Variants in ZNF395 observed in about 807,000 individuals in gnomAD.
ZNF395 encodes the protein zinc finger protein 395.
Under a neutral mutation model 57.7 loss-of-function variants are expected in ZNF395, and 20 were observed. That is an observed-to-expected ratio of 0.35 (90% CI 0.24 to 0.50). The LOEUF is 0.50. ZNF395 is among the 20% of genes least tolerant of loss of function. The pLI is 0.97. For synonymous variants in ZNF395, 295 were observed against 275.9 expected, an observed-to-expected ratio of 1.07 and a Z score of -0.69; for missense variants, 606 against 671.2, an observed-to-expected ratio of 0.90 and a Z score of 1.07.
intron 2 of ZNF395, 119 bp downstream of exon 2, chr8:28,360,766 G>A: frequency 7.0e-7 from 1 of 1,419,834 alleles, no homozygotes; most frequent in Non-Finnish European, 9.4e-7. Flanking sequence ...GTGGCTGGAG[G>A]GCAAAGGTCT....
rs1321179800 is a variant in ZNF395 at position 28,346,684 on chromosome 8, G to C, written c.*2035C>G. 6.6e-6 allele frequency: 1 copy of C among 152,210 alleles called. No homozygotes were observed. The highest frequency in any genetic ancestry group is 2.4e-5 in the African/African-American group (1 of 41,424). The allele number at this position is 152,210 out of a possible 1,614,324, so 9.4% of individuals were successfully genotyped here. A position where few individuals can be genotyped will look rare whatever the true frequency, so the allele number is the denominator to read the frequency against. ...AATTCAAACAGCTTTCTAAAGACGA[G>C]ACGGCAGTGAAAACTCTGAGGGAGA... On this transcript the variant is annotated 3_prime_UTR_variant, in exon 10 of 10. Coordinates refer to ENST00000344423, the MANE Select transcript of ZNF395 (RefSeq NM_018660.3).
At chr8:28,361,827 C>T (rs1801853347) in intron 1 of ZNF395, among the ~76,000 whole-genome samples, 1 of 152,204 alleles carries the variant, frequency 6.6e-6, no homozygotes, top group Non-Finnish European at 1.5e-5. Flanking sequence ...CGTGGTGGCT[C>T]ATGCCTGTAA....
intron 1 of ZNF395, among the ~76,000 whole-genome samples, chr8:28,380,156 T>TA (rs527469969): frequency 1.8e-3 from 275 of 149,254 alleles, no homozygotes; most frequent in African/African-American, 2.9e-3. Context: ...TACTAGAGTT[T>TA]AAAAAAAAAA....
chr8:28,373,461 T>TA (rs1236580372), intron 1 of ZNF395, among the ~76,000 whole-genome samples: 1 of 152,108 alleles, frequency 6.6e-6, no homozygotes, highest in African/African-American at 2.4e-5. Context: ...TAGATGCCTT[T>TA]AAAGAACATC....
chr8:28,381,263 G>C (rs573000889), intron 1 of ZNF395, among the ~76,000 whole-genome samples: 164 of 151,596 alleles, frequency 1.1e-3, no homozygotes, highest in African/African-American at 3.9e-3. Flanking sequence ...GGATGGTCTC[G>C]ATCTCCTGAC....
intron 1 of ZNF395, among the ~76,000 whole-genome samples, chr8:28,378,391 C>T (rs1376362751): frequency 6.6e-6 from 1 of 152,076 alleles, no homozygotes; most frequent in African/African-American, 2.4e-5. Flanking sequence ...GGCAGGTGTA[C>T]CATCATGCTT....
At position 28,351,530 on chromosome 8, in the gene ZNF395, A is replaced by G; in HGVS notation, c.1198T>C (p.Ser400Pro). The change falls in exon 7 of 10, where the codon TCC (serine) becomes CCC (proline). Residue 400 changes from serine (S) to proline (P), a missense_variant. By Grantham distance (74) the Ser-to-Pro change is moderately conservative. This residue lies in a region of ZNF395 where 261 missense variants were observed against 240.3 expected (regional missense o/e 1.09). Coordinates refer to ENST00000344423, the MANE Select transcript of ZNF395 (RefSeq NM_018660.3). The stretch of plus-strand genomic sequence containing the variant: ...TGATCTGCCTGAATGTGCCAGAAGG[A>G]CCCAGGAGCTGACTTGCTGAGAGCC... ...SGALSKSAPG[S>P]FWHIQADHAY... 1 of 1,612,304 alleles carries G rather than the reference A, an allele frequency of 6.2e-7. No individual in the cohort carries two copies. The highest frequency in any genetic ancestry group is 8.5e-7 in the Non-Finnish European group (1 of 1,178,768).
intron 4 of ZNF395, 104 bp from the exon 5 acceptor site, chr8:28,353,512 G>T: frequency 2.2e-6 from 2 of 897,334 alleles, no homozygotes; most frequent in Non-Finnish European, 1.7e-6. Flanking sequence ...ATTCATGGCA[G>T]CAATTTCTCT....
Position 28,349,055 on chromosome 8 carries a change from G to A in ZNF395, c.1430+70C>T. ...AACCCTGGTGACTTCATCTGGGTGG[G>A]GTCGGAGTCCACGCCACTGGAGACA... is the stretch of plus-strand genomic sequence containing the variant. On this transcript the variant is annotated intron_variant, in intron 9 of 9. Transcript: ENST00000344423. 12 of 1,444,820 alleles carry A rather than the reference G, an allele frequency of 8.3e-6. No homozygotes were observed. The South Asian group carries it at 9.1e-5, about 11-fold the overall frequency. The allele number at this position is 1,444,820 out of a possible 1,614,324, so 89.5% of individuals were successfully genotyped here.
chr8:28,359,949 T>C lies in ZNF395; in HGVS notation c.241-125A>G. On this transcript the variant is annotated intron_variant, in intron 2 of 9. Transcript: ENST00000344423. The surrounding 1 kb of genome is among the most constrained non-coding windows in gnomAD (Gnocchi z 4.7). ...CAAACCATGTTCTCTGCCTCACTCATCTTTTATTCAAGCAGATGTTCCCAG... is the reference window on the plus strand; with the variant it reads ...CAAACCATGTTCTCTGCCTCACTCACCTTTTATTCAAGCAGATGTTCCCAG... 3 of 1,424,562 alleles carry C rather than the reference T, an allele frequency of 2.1e-6. No homozygotes were observed. The highest frequency in any genetic ancestry group is 2.8e-6 in the Non-Finnish European group (3 of 1,074,776). The allele number at this position is 1,424,562 out of a possible 1,614,324, so 88.2% of individuals were successfully genotyped here.
intron 1 of ZNF395, among the ~76,000 whole-genome samples, chr8:28,380,150 A>G (rs778959576): frequency 6.6e-6 from 1 of 152,156 alleles, no homozygotes; most frequent in Non-Finnish European, 1.5e-5. Context: ...AGTTTTTACT[A>G]GAGTTTAAAA....
Position 28,384,431 on chromosome 8 carries a change from A to G in ZNF395, c.-59+1962T>C, listed in dbSNP as rs74553751. 3.3e-3 allele frequency among the ~76,000 whole-genome samples: 496 copies of G among 151,666 alleles called. 5 individuals are homozygous for G. The highest frequency in any genetic ancestry group is 0.011 in the African/African-American group (455 of 41,324). ...TCCTGGTGACTGATCCCTGCCCACA[A>G]CTCCCTTCTCTGACTCCAACAGAAC... On this transcript the variant is annotated intron_variant, in intron 1 of 9. Transcript: ENST00000344423.
chr8:28,349,106 A>T lies in ZNF395; in HGVS notation c.1430+19T>A, dbSNP rs761474660. Reference sequence around the variant, plus strand: ...GGGCACAGAAACCAGAAGGCAGGGGACGACAGCGGACATCTCACCTGGCAC... The same window carrying T: ...GGGCACAGAAACCAGAAGGCAGGGGTCGACAGCGGACATCTCACCTGGCAC... On this transcript the variant is annotated intron_variant, in intron 9 of 9. Transcript: ENST00000344423. The T allele has an allele frequency of 6.4e-7, 1 of 1,560,244 alleles. No homozygotes were observed. The highest frequency in any genetic ancestry group is 8.7e-7 in the Non-Finnish European group (1 of 1,153,618).
intron 7 of ZNF395, 110 bp downstream of exon 7, chr8:28,351,385 A>C: frequency 1.2e-5 from 14 of 1,202,972 alleles, no homozygotes; most frequent in South Asian, 1.7e-5. Context: ...GAGATTAGCA[A>C]TTTGGCCAAA....
In ZNF395 at chr8:28,356,017, T is replaced by C. The variant is rs1185749610; in HGVS notation, c.583+653A>G. On this transcript the variant is annotated intron_variant, in intron 4 of 9. Coordinates refer to ENST00000344423, the MANE Select transcript of ZNF395 (RefSeq NM_018660.3). The surrounding 1 kb of genome is among the most constrained non-coding windows in gnomAD (Gnocchi z 4.0). ...AGGGTAGGCCAGCCCTGCCATGAATTTCCCAAAAAACTTCAGGTTCACTAC... is the reference window on the plus strand; with the variant it reads ...AGGGTAGGCCAGCCCTGCCATGAATCTCCCAAAAAACTTCAGGTTCACTAC... 6.6e-6 allele frequency among the ~76,000 whole-genome samples: 1 copy of C among 152,180 alleles called. No individual in the cohort carries two copies. Among genetic ancestry groups the C allele is most frequent in the Non-Finnish European group, 1.5e-5 (1 of 68,026 alleles).
In ZNF395 at chr8:28,360,899, G is replaced by GAA; in HGVS notation, c.224_225dup (p.Gln76PhefsTer30). ...GATCAACCTACCTTCTGCCCAGGCTGAAAGGCCACCTGCTGAAGGCCCGAG... is the reference window on the plus strand; with the variant it reads ...GATCAACCTACCTTCTGCCCAGGCTGAAAAAGGCCACCTGCTGAAGGCCCGAG... On this transcript the variant is annotated frameshift_variant, in exon 2 of 10. Coordinates refer to ENST00000344423, the MANE Select transcript of ZNF395 (RefSeq NM_018660.3). LOFTEE classifies it high-confidence loss of function. The GAA allele has an allele frequency of 6.2e-7, 1 of 1,613,876 alleles. No homozygotes were observed. The highest frequency in any genetic ancestry group is 8.5e-7 in the Non-Finnish European group (1 of 1,179,976).
chr8:28,349,497 G>A (rs543868535), intron 8 of ZNF395, among the ~76,000 whole-genome samples: 9 of 152,340 alleles, frequency 5.9e-5, no homozygotes, highest in South Asian at 4.1e-4. Context: ...GGACTTAGAC[G>A]GAGCCGCTAT....
rs935678484 is a variant in ZNF395 at position 28,362,090 on chromosome 8, T to C, written c.-58-908A>G. The stretch of plus-strand genomic sequence containing the variant: ...CTGGACAACACAACAAGACTCAGAC[T>C]CAAAAAAAAAAAAAAGAAAGAAAAA... On this transcript the variant is annotated intron_variant, in intron 1 of 9. Coordinates refer to ENST00000344423, the MANE Select transcript of ZNF395 (RefSeq NM_018660.3). Among the ~76,000 whole-genome samples the C allele has an allele frequency of 2.1e-4, 24 of 115,846 alleles. 2 individuals carry two copies. Among genetic ancestry groups the C allele is most frequent in the Non-Finnish European group, 1.7e-5 (1 of 60,414 alleles). The allele number at this position is 115,846 out of a possible 152,430, so 76.0% of individuals were successfully genotyped here.
rs1045787176 is a variant in ZNF395 at position 28,355,658 on chromosome 8, T to C, written c.583+1012A>G. 3.9e-5 allele frequency among the ~76,000 whole-genome samples: 6 copies of C among 152,332 alleles called. No homozygotes were observed. In the East Asian group the frequency reaches 5.8e-4, roughly 15 times the overall value. ...ACCATCCAGATCTCCTAAACTCTCC[T>C]GAGAACTTAGAAATTAACTCCTTTC... On this transcript the variant is annotated intron_variant, in intron 4 of 9. Transcript: ENST00000344423.
Sources: gnomAD v4.1 joint callset for allele counts (sites outside exome capture counted in the v4.1 genomes callset) on GRCh38, gnomAD v4.1.1 for gene constraint, gnomAD v4.1.1 regional missense constraint, Gnocchi (gnomAD v3.1) non-coding constraint, MANE v1.5 for transcripts, NCBI Gene and HGNC (gene_info 2026-07-23, HGNC 2026-07-21) for gene names.